The following PDSS2 variants were observed in gnomAD, a reference collection of about 807,000 sequenced individuals.
PDSS2 encodes the protein all trans-polyprenyl-diphosphate synthase PDSS2.
Under a neutral mutation model 44.5 loss-of-function variants are expected in PDSS2, and 31 were observed. That is an observed-to-expected ratio of 0.70 (90% CI 0.52 to 0.94). The LOEUF is 0.94. Ranked by LOEUF, PDSS2 falls within the 40% of genes least tolerant of loss-of-function variation. The probability of loss-of-function intolerance (pLI) is 0.00; values close to 1 mark genes in which losing one functional copy is unlikely to be tolerated. For missense variants in PDSS2, 452 were observed against 482.2 expected (o/e 0.94, Z 0.59); for synonymous variants, 157 against 180.3 (o/e 0.87, Z 1.03).
intron 2 of PDSS2, among the ~76,000 whole-genome samples, chr6:107,307,507 C>A (rs991502927): frequency 3.3e-5 from 5 of 151,718 alleles, no homozygotes; most frequent in African/African-American, 7.3e-5. Context: ...AGATGGGGCA[C>A]TTCTACTTTT....
chr6:107,433,670 A>G (rs1198217185), intron 1 of PDSS2, among the ~76,000 whole-genome samples: 1 of 152,240 alleles, frequency 6.6e-6, no homozygotes, highest in Non-Finnish European at 1.5e-5. Flanking sequence ...AAACTACTAA[A>G]AGAAAATATT....
At chr6:107,199,908 G>A (rs917434249) in intron 6 of PDSS2, among the ~76,000 whole-genome samples, 1 of 151,990 alleles carries the variant, frequency 6.6e-6, no homozygotes, top group East Asian at 1.9e-4. Context: ...TAGAACAATG[G>A]CATATTTTCA....
chr6:107,363,560 G>A (rs545913286), intron 1 of PDSS2, among the ~76,000 whole-genome samples: 238 of 152,334 alleles, frequency 1.6e-3, no homozygotes, highest in African/African-American at 5.5e-3. Context: ...TTCGCAGTGA[G>A]TGTTACAGCT....
intron 2 of PDSS2, among the ~76,000 whole-genome samples, chr6:107,299,202 G>GA (rs1327049139): frequency 2.3e-5 from 2 of 85,422 alleles, no homozygotes; most frequent in Admixed American, 1.0e-4. Flanking sequence ...AGAATTAAAA[G>GA]AAAAAAAACC....
At chr6:107,273,745 G>C (rs1037806303) in intron 3 of PDSS2, among the ~76,000 whole-genome samples, 1 of 152,004 alleles carries the variant, frequency 6.6e-6, no homozygotes, top group Non-Finnish European at 1.5e-5. Context: ...GGGATTATAG[G>C]TAATATTTAC....
At chr6:107,286,721 T>C (rs908871213) in intron 2 of PDSS2, among the ~76,000 whole-genome samples, 1 of 151,874 alleles carries the variant, frequency 6.6e-6, no homozygotes, top group African/African-American at 2.4e-5. Flanking sequence ...CCAAAAAGTA[T>C]GTAAAATGAT....
At chr6:107,318,185 G>C (rs1388415161) in intron 2 of PDSS2, among the ~76,000 whole-genome samples, 1 of 152,060 alleles carries the variant, frequency 6.6e-6, no homozygotes, top group Non-Finnish European at 1.5e-5. Flanking sequence ...GCGGTAAACA[G>C]GTGGGGAGGT....
At chr6:107,177,662 A>G (rs1206166800) in intron 7 of PDSS2, among the ~76,000 whole-genome samples, 1 of 152,232 alleles carries the variant, frequency 6.6e-6, no homozygotes, top group Non-Finnish European at 1.5e-5. Context: ...TATTCCAAAG[A>G]GAAACTTAAT....
At chr6:107,199,834 G>A (rs1424188882) in intron 6 of PDSS2, among the ~76,000 whole-genome samples, 1 of 152,150 alleles carries the variant, frequency 6.6e-6, no homozygotes, top group Non-Finnish European at 1.5e-5. Flanking sequence ...GTTTTTGTTT[G>A]TGAGCTAGTA....
At chr6:107,221,347 A>G (rs1360205134) in intron 4 of PDSS2, among the ~76,000 whole-genome samples, 24 of 35,984 alleles carry the variant, frequency 6.7e-4, no homozygotes, top group African/African-American at 1.5e-3. Flanking sequence ...GTCTCGAAAA[A>G]AAAAAAAAAA....
At chr6:107,241,272 G>A (rs1774415457) in intron 4 of PDSS2, among the ~76,000 whole-genome samples, 1 of 142,980 alleles carries the variant, frequency 7.0e-6, no homozygotes, top group Non-Finnish European at 1.5e-5. Context: ...AAAAGTATTA[G>A]TAATATAAGT....
Position 107,459,522 on chromosome 6 carries a change from A to G in PDSS2, c.-237T>C, listed in dbSNP as rs886060931. On this transcript the variant is annotated 5_prime_UTR_variant, in exon 1 of 8. Transcript: ENST00000369037. This position sits in a 1 kb window ranked among gnomAD's most constrained non-coding sequence, Gnocchi z 4.3. ...CTGCCCCCGGCCACCCGGGGTAGAA[A>G]CCACAGCCACTGCCTATGTGGAGGA... 7 of 567,368 alleles carry G rather than the reference A, an allele frequency of 1.2e-5. No individual in the cohort carries two copies. Among genetic ancestry groups the G allele is most frequent in the Non-Finnish European group, 2.2e-5 (7 of 318,554 alleles). 35.1% of individuals were successfully genotyped at this position (567,368 alleles called of 1,614,324 possible).
Position 107,204,339 on chromosome 6 carries a change from C to T in PDSS2, c.1008+6100G>A, listed in dbSNP as rs551762270. On this transcript the variant is annotated intron_variant, in intron 6 of 7. Transcript: ENST00000369037. Reference sequence around the variant, plus strand: ...AATATTCCATTGTATGGATATACCACATTTTGCTTCTCCATTTATCAGTTG... The same window carrying T: ...AATATTCCATTGTATGGATATACCATATTTTGCTTCTCCATTTATCAGTTG... 3.9e-5 allele frequency among the ~76,000 whole-genome samples: 6 copies of T among 152,278 alleles called. No individual in the cohort carries two copies. The East Asian group carries it at 9.6e-4, about 24-fold the overall frequency.
intron 1 of PDSS2, among the ~76,000 whole-genome samples, chr6:107,348,898 T>G (rs535053986): frequency 4.4e-4 from 67 of 152,304 alleles, no homozygotes; most frequent in Middle Eastern, 6.8e-3. Flanking sequence ...ACAGTACTAC[T>G]GTTATCCTAA....
Position 107,406,502 on chromosome 6 carries a change from C to T in PDSS2, c.296+52488G>A, listed in dbSNP as rs181344328. Among the ~76,000 whole-genome samples the T allele has an allele frequency of 3.4e-3, 517 of 152,272 alleles. 4 individuals are homozygous for T. The highest frequency in any genetic ancestry group is 0.012 in the African/African-American group (498 of 41,550). On this transcript the variant is annotated intron_variant, in intron 1 of 7. Coordinates refer to ENST00000369037, the MANE Select transcript of PDSS2 (RefSeq NM_020381.4). ...ACATACAATCTTATTTAATCACAAA[C>T]TCTAAATGTATTTTCATCAATTTTT... is the stretch of plus-strand genomic sequence containing the variant.
chr6:107,197,480 C>CAAA lies in PDSS2; in HGVS notation c.1009-3629_1009-3627dup, dbSNP rs1211356401. 1.7e-3 allele frequency among the ~76,000 whole-genome samples: 142 copies of CAAA among 81,964 alleles called. 1 individual carries two copies. The highest frequency in any genetic ancestry group is 2.6e-3 in the African/African-American group (59 of 22,596). 53.8% of individuals were successfully genotyped at this position (81,964 alleles called of 152,430 possible). ...AGGCAACAAAGTGAGACCCCCATCT[C>CAAA]AAAAAAAAAAAAAAAAAAAAAAGAA... On this transcript the variant is annotated intron_variant, in intron 6 of 7. Coordinates refer to ENST00000369037, the MANE Select transcript of PDSS2 (RefSeq NM_020381.4).
intron 2 of PDSS2, among the ~76,000 whole-genome samples, chr6:107,327,574 A>G (rs1777587324): frequency 6.6e-6 from 1 of 152,200 alleles, no homozygotes; most frequent in Non-Finnish European, 1.5e-5. Context: ...TCTCTGCCTC[A>G]GTCTCCTGAA....
intron 7 of PDSS2, 69 bp from the exon 8 acceptor site, chr6:107,154,846 G>A: frequency 7.4e-7 from 1 of 1,358,140 alleles, no homozygotes; most frequent in Admixed American, 1.7e-5. Flanking sequence ...AATTAAATTG[G>A]GGAGGGGAGA....
chr6:107,330,539 T>C (rs1275211299), intron 2 of PDSS2, among the ~76,000 whole-genome samples: 1 of 152,176 alleles, frequency 6.6e-6, no homozygotes, highest in Non-Finnish European at 1.5e-5. Context: ...TCAGCCAAAA[T>C]ATTCACGTGA....
Sources: gnomAD v4.1 joint callset for allele counts (sites outside exome capture counted in the v4.1 genomes callset) on GRCh38, gnomAD v4.1.1 for gene constraint, Gnocchi (gnomAD v3.1) non-coding constraint, MANE v1.5 for transcripts, NCBI Gene and HGNC (gene_info 2026-07-23, HGNC 2026-07-21) for gene names.